The following DRC7 variants were observed in gnomAD, a reference collection of about 807,000 sequenced individuals.
DRC7 encodes coiled-coil domain containing 135.
In DRC7, 80 loss-of-function variants were observed where a neutral mutation model predicts 104.4. The ratio of observed to expected loss-of-function variants is 0.77; its 90% CI spans 0.64 to 0.92. The LOEUF (loss-of-function observed/expected upper bound fraction) is 0.92. Among genes scored for constraint, DRC7 ranks in the 40% least tolerant of loss-of-function variants. The pLI, the probability that DRC7 is intolerant of heterozygous loss-of-function variation, is 0.00. For synonymous variants in DRC7, 405 were observed against 447.3 expected, an observed-to-expected ratio of 0.91 and a Z score of 1.19; for missense variants, 1,034 against 1,141.1, an observed-to-expected ratio of 0.91 and a Z score of 1.35.
At chr16:57,728,822 GTGGATGGATGGA>G (rs1375020370) in intron 17 of DRC7, among the ~76,000 whole-genome samples, 1 of 105,966 alleles carries the variant, frequency 9.4e-6, no homozygotes, top group Non-Finnish European at 1.9e-5. Context: ...GGGTGGGTGG[GTGGATGGATGGA>G]TGGATAGATG....
At chr16:57,725,499 C>G (rs1265106711) in intron 13 of DRC7, 7 of 155,512 alleles carry the variant, frequency 4.5e-5, no homozygotes, top group Non-Finnish European at 8.6e-5. Context: ...TACAAAAATA[C>G]ACACTCATGA....
intron 1 of DRC7, among the ~76,000 whole-genome samples, chr16:57,695,251 C>T (rs1158691011): frequency 6.9e-6 from 1 of 145,486 alleles, no homozygotes; most frequent in East Asian, 2.2e-4. Context: ...CCCCCACCAT[C>T]CCTTCTAGCA....
At chr16:57,716,632 G>T (rs2048846857) in intron 8 of DRC7, among the ~76,000 whole-genome samples, 1 of 151,848 alleles carries the variant, frequency 6.6e-6, no homozygotes, top group African/African-American at 2.4e-5. Context: ...CTCCTCTGCT[G>T]TGCCCCCCAC....
chr16:57,723,159 C>T, intron 12 of DRC7, 29 bp downstream of exon 12: 2 of 1,609,368 alleles, frequency 1.2e-6, no homozygotes, highest in Admixed American at 3.4e-5. Context: ...CTGGGCCACC[C>T]AGGAGCCTGG....
chr16:57,723,084 C>T lies in DRC7; in HGVS notation c.1491C>T (p.Asp497=), dbSNP rs2048922519. The part of the protein sequence containing the change: ...LELKHINKTT[D]LKTDYFKPGH... ...TGAAACACATAAACAAGACCACAGA[C>T]CTGAAGACAGACTACTTCAAGCCTG... Residue 497 remains aspartate, a synonymous_variant, in exon 12 of 19, where the codon GAC becomes GAT. Transcript: ENST00000360716. 6.2e-7 allele frequency: 1 copy of T among 1,613,862 alleles called. No homozygotes were observed. The highest frequency in any genetic ancestry group is 1.7e-4 in the Middle Eastern group (1 of 6,060).
At position 57,728,468 on chromosome 16, in the gene DRC7, C is replaced by A; in HGVS notation, c.2275C>A (p.Pro759Thr). 1 of 1,612,358 alleles carries A rather than the reference C, an allele frequency of 6.2e-7. No homozygotes were observed. Among genetic ancestry groups the A allele is most frequent in the Non-Finnish European group, 8.5e-7 (1 of 1,179,778 alleles). Residue 759 changes from proline (P) to threonine (T), a missense_variant, in exon 17 of 19, where the codon CCG (proline) becomes ACG (threonine). Physicochemically the swap from Pro to Thr is conservative, Grantham distance 38. Coordinates refer to ENST00000360716, the MANE Select transcript of DRC7 (RefSeq NM_001289162.2). ...DYLAPFLAQLPPGEKLTCWQA... is the reference protein window; with the variant it reads ...DYLAPFLAQLTPGEKLTCWQA... ...CCTGGCCCCATTCCTGGCCCAGCTC[C>A]CGCCAGGAGAGAAACTAACATGCTG...
intron 12 of DRC7, 133 bp from the exon 13 acceptor site, chr16:57,724,480 GAC>G (rs2048940469): frequency 5.1e-6 from 3 of 584,040 alleles, no homozygotes; most frequent in South Asian, 4.7e-5. Flanking sequence ...AGCAATAGGG[GAC>G]TGGTTCATAG....
At position 57,700,227 on chromosome 16, in the gene DRC7, C is replaced by T; in HGVS notation, c.461C>T (p.Ser154Phe). The change falls in exon 5 of 19, where the codon TCC becomes TTC. Residue 154 changes from serine (S) to phenylalanine (F), a missense_variant. Transcript: ENST00000360716. ...YNWDSCAQFV[S>F]DFLTMVPLPD... The stretch of plus-strand genomic sequence containing the variant: ...TGGGACAGCTGTGCCCAGTTTGTCT[C>T]CGACTTCCTCACCATGGTGCCCCTG... 1 of 1,614,126 alleles carries T rather than the reference C, an allele frequency of 6.2e-7. No individual in the cohort carries two copies.
At chr16:57,707,749 G>A (rs1469834021) in intron 8 of DRC7, 71 bp downstream of exon 8, 20 of 1,406,134 alleles carry the variant, frequency 1.4e-5, no homozygotes, top group Non-Finnish European at 2.0e-5. Context: ...GGGAAGCAAT[G>A]GCAGCCAGAC....
At chr16:57,713,327 T>A (rs1056128556) in intron 8 of DRC7, among the ~76,000 whole-genome samples, 1 of 152,244 alleles carries the variant, frequency 6.6e-6, no homozygotes, top group Non-Finnish European at 1.5e-5. Flanking sequence ...ATTGACAACA[T>A]TATTGAAATG....
rs1186448246 is a variant in DRC7, at chr16:57,701,932, C to A, written c.505-4C>A. 1 of 1,612,712 alleles carries A rather than the reference C, an allele frequency of 6.2e-7. No homozygotes were observed. Among genetic ancestry groups the A allele is most frequent in the African/African-American group, 1.3e-5 (1 of 75,048 alleles). On this transcript the variant is annotated splice_polypyrimidine_tract_variant and splice_region_variant and intron_variant, in intron 5 of 18. Transcript: ENST00000360716. ...AGCTGTGCTGACCGTCCCACTGTGA[C>A]CAGCCCTCGCACCTGTACTCCTCGA...
chr16:57,715,940 A>G (rs141527210), intron 8 of DRC7, among the ~76,000 whole-genome samples: 4 of 152,348 alleles, frequency 2.6e-5, no homozygotes, highest in African/African-American at 9.6e-5. Flanking sequence ...AGATGATGGC[A>G]TAGGCTGTCA....
In DRC7 at chr16:57,707,470, AG is replaced by A; in HGVS notation, c.871del (p.Ala291GlnfsTer71). The A allele has an allele frequency of 6.2e-7, 1 of 1,612,098 alleles. No individual in the cohort carries two copies. The highest frequency in any genetic ancestry group is 8.5e-7 in the Non-Finnish European group (1 of 1,179,138). ...EEEERLMEAE[K>X]AKPDALHGLR... The stretch of plus-strand genomic sequence containing the variant: ...ACCTTTCCTTGGCAGGAAGCGGAGA[AG>A]GCAAAGCCGGATGCCCTGCACGGCC... On this transcript the variant is annotated frameshift_variant, in exon 8 of 19. Coordinates refer to ENST00000360716, the MANE Select transcript of DRC7 (RefSeq NM_001289162.2). LOFTEE classifies it high-confidence loss of function.
intron 9 of DRC7, 125 bp from the exon 10 acceptor site, chr16:57,721,542 T>C (rs758444838): frequency 1.6e-5 from 11 of 692,744 alleles, no homozygotes; most frequent in African/African-American, 9.0e-5. Context: ...TGACCTCCAG[T>C]TCCCCTGCGG....
chr16:57,718,397 G>T lies in DRC7; in HGVS notation c.1128G>T (p.Leu376=). ...GDPVRWEYML[L]GTDKSQLSLT... is the part of the protein sequence containing the mutation. ...CTGTGAGATGGGAGTACATGCTCCT[G>T]GGGACTGATAAGTCTCAGCTGTCCT... The change falls in exon 9 of 19, where the codon CTG becomes CTT. Residue 376 remains leucine, a synonymous_variant. Coordinates refer to ENST00000360716, the MANE Select transcript of DRC7 (RefSeq NM_001289162.2). 1.2e-6 allele frequency: 2 copies of T among 1,614,132 alleles called. No homozygotes were observed. The highest frequency in any genetic ancestry group is 1.7e-6 in the Non-Finnish European group (2 of 1,179,974).
intron 9 of DRC7, among the ~76,000 whole-genome samples, chr16:57,718,966 G>A (rs1465853320): frequency 4.6e-5 from 7 of 151,470 alleles, no homozygotes; most frequent in East Asian, 1.9e-4. Flanking sequence ...TCCAGCCTGC[G>A]CAACCCCACC....
At position 57,699,025 on chromosome 16, in the gene DRC7, G is replaced by A. The variant is rs539853849; in HGVS notation, c.378+1G>A. 34 of 1,613,540 alleles carry A rather than the reference G, an allele frequency of 2.1e-5. No homozygotes were observed. Among genetic ancestry groups the A allele is most frequent in the South Asian group, 1.9e-4 (17 of 91,054 alleles). On this transcript the variant is annotated splice_donor_variant, in intron 4 of 18. Coordinates refer to ENST00000360716, the MANE Select transcript of DRC7 (RefSeq NM_001289162.2). LOFTEE classifies it high-confidence loss of function. The stretch of plus-strand genomic sequence containing the variant: ...CCCCCTGAACGAGTGTGAAGTGCCC[G>A]TAAGGCTGGCATGTTGAGGGCAGGG...
intron 7 of DRC7, among the ~76,000 whole-genome samples, chr16:57,706,044 C>T (rs2048720035): frequency 1.4e-5 from 2 of 144,812 alleles, no homozygotes; most frequent in Non-Finnish European, 3.0e-5. Flanking sequence ...ATCCACCCAT[C>T]CTCCCATCCA....
At chr16:57,728,349 T>C (rs2048995687) in intron 16 of DRC7, 41 bp from the exon 17 acceptor site, 2 of 1,527,910 alleles carry the variant, frequency 1.3e-6, no homozygotes, top group South Asian at 1.3e-5. Context: ...GAGGTCTCTG[T>C]AGTTCCTGCT....
Sources: allele counts gnomAD v4.1 joint callset (sites outside exome capture counted in the v4.1 genomes callset), GRCh38; gene constraint gnomAD v4.1.1; transcripts MANE v1.5; gene names NCBI Gene and HGNC (gene_info 2026-07-23, HGNC 2026-07-21).